MTUS1: variants seen among roughly 807,000 people sequenced by gnomAD.
MTUS1 encodes microtubule associated scaffold protein 1.
A neutral mutation model predicts 120.8 loss-of-function variants in MTUS1; 109 were observed. That is an observed-to-expected ratio of 0.90 (90% CI 0.77 to 1.06). MTUS1 has a LOEUF of 1.06. Among genes scored for constraint, MTUS1 ranks in the 50% least tolerant of loss-of-function variants. The pLI, the probability that MTUS1 is intolerant of heterozygous loss-of-function variation, is 0.00. For missense variants in MTUS1, 2,210 were observed against 1,486.3 expected (o/e 1.49, Z -8.01); for synonymous variants, 737 against 550.5 (o/e 1.34, Z -4.74).
At chr8:17,769,540 G>A (rs944866093) in intron 1 of MTUS1, among the ~76,000 whole-genome samples, 3 of 150,914 alleles carry the variant, frequency 2.0e-5, no homozygotes, top group Admixed American at 6.6e-5. Context: ...GTAGAGACGG[G>A]ATTTCACCGC....
At chr8:17,747,522 C>G (rs970258164) in intron 2 of MTUS1, among the ~76,000 whole-genome samples, 1 of 152,166 alleles carries the variant, frequency 6.6e-6, no homozygotes, top group Non-Finnish European at 1.5e-5. Context: ...CAAAACCCCA[C>G]CTTCAAGGCA....
At chr8:17,732,021 G>C (rs1029958260) in intron 3 of MTUS1, among the ~76,000 whole-genome samples, 1 of 152,238 alleles carries the variant, frequency 6.6e-6, no homozygotes, top group African/African-American at 2.4e-5. Context: ...TGCTGCATGG[G>C]TGTCCCCATG....
chr8:17,771,254 G>C (rs1286707729), intron 1 of MTUS1, among the ~76,000 whole-genome samples: 1 of 152,176 alleles, frequency 6.6e-6, no homozygotes, highest in African/African-American at 2.4e-5. Context: ...ATTAGCAGTG[G>C]TTCACCATCT....
At position 17,684,334 on chromosome 8, in the gene MTUS1, C is replaced by T. The variant is rs760069932; in HGVS notation, c.2832G>A (p.Leu944=). 6.2e-7 allele frequency: 1 copy of T among 1,613,296 alleles called. No homozygotes were observed. The highest frequency in any genetic ancestry group is 1.1e-5 in the South Asian group (1 of 91,072). Residue 944 remains leucine (L), a synonymous_variant, in exon 7 of 15, where the codon CTG becomes CTA. Coordinates refer to ENST00000693296, the MANE Select transcript of MTUS1 (RefSeq NM_001363059.2). ...CTAGGATGCACCTCCTTACCTCAGA[C>T]AGCAGGTGCTGAATCACAACTGTCA... ...EALTVVIQHL[L]SEREEALKQH...
chr8:17,720,510 G>C (rs766994927), intron 4 of MTUS1, among the ~76,000 whole-genome samples: 6 of 152,152 alleles, frequency 3.9e-5, no homozygotes, highest in Admixed American at 2.0e-4. Context: ...ATTTCCAGGA[G>C]AATGCAAATA....
At chr8:17,730,674 A>T (rs2046512237) in intron 3 of MTUS1, among the ~76,000 whole-genome samples, 1 of 152,232 alleles carries the variant, frequency 6.6e-6, no homozygotes, top group Non-Finnish European at 1.5e-5. Context: ...AAGTTGACAC[A>T]TGCTACAACA....
At chr8:17,726,097 C>T (rs11203904) in intron 3 of MTUS1, among the ~76,000 whole-genome samples, 2 of 151,996 alleles carry the variant, frequency 1.3e-5, no homozygotes, top group African/African-American at 4.8e-5. Context: ...TGAACGGCCT[C>T]CTTTCTATCC....
chr8:17,727,272 G>A (rs1198954463), intron 3 of MTUS1, among the ~76,000 whole-genome samples: 3 of 152,238 alleles, frequency 2.0e-5, no homozygotes, highest in Non-Finnish European at 2.9e-5. Flanking sequence ...GTTAATAGAT[G>A]AGAAGACTAC....
chr8:17,703,789 G>A (rs769328788), intron 6 of MTUS1, among the ~76,000 whole-genome samples: 3 of 152,116 alleles, frequency 2.0e-5, no homozygotes, highest in African/African-American at 4.8e-5. Flanking sequence ...TATTTATCAA[G>A]ACAATACGTG....
intron 8 of MTUS1, among the ~76,000 whole-genome samples, chr8:17,672,514 A>G (rs1390824827): frequency 6.6e-6 from 1 of 152,152 alleles, no homozygotes; most frequent in Admixed American, 6.5e-5. Context: ...TGCTATGTCA[A>G]TGTCAAAGTT....
At chr8:17,720,082 T>C (rs533122142) in intron 4 of MTUS1, among the ~76,000 whole-genome samples, 232 of 152,268 alleles carry the variant, frequency 1.5e-3, no homozygotes, top group African/African-American at 5.4e-3. Context: ...TGGTGGCTCA[T>C]GCCTGTAATC....
At chr8:17,774,980 A>G (rs1244737119) in intron 1 of MTUS1, among the ~76,000 whole-genome samples, 2 of 150,502 alleles carry the variant, frequency 1.3e-5, no homozygotes, top group African/African-American at 4.9e-5. Flanking sequence ...GTAAAAAAAA[A>G]AAAAAAAAAA....
chr8:17,653,085 C>T, intron 12 of MTUS1, 101 bp downstream of exon 12: 1 of 684,118 alleles, frequency 1.5e-6, no homozygotes, highest in Non-Finnish European at 2.5e-6. Flanking sequence ...GAGAAGGATT[C>T]CCAACCTGTG....
chr8:17,677,971 C>T (rs1336846884), intron 7 of MTUS1, among the ~76,000 whole-genome samples: 1 of 152,128 alleles, frequency 6.6e-6, no homozygotes, highest in Non-Finnish European at 1.5e-5. Context: ...AAGCATGGGG[C>T]CTACCTAGAA....
At chr8:17,707,642 T>A (rs1183679933) in intron 6 of MTUS1, among the ~76,000 whole-genome samples, 3 of 152,224 alleles carry the variant, frequency 2.0e-5, no homozygotes, top group Non-Finnish European at 4.4e-5. Flanking sequence ...ATTGACAAGC[T>A]GATCCTAAAA....
chr8:17,697,827 G>T, intron 6 of MTUS1: 1 of 619,784 alleles, frequency 1.6e-6, no homozygotes, highest in African/African-American at 2.0e-5. Flanking sequence ...AGTGCCTAAT[G>T]TTTCTTTCAT....
chr8:17,658,231 T>C (rs2130337591), intron 8 of MTUS1, among the ~76,000 whole-genome samples: 1 of 152,290 alleles, frequency 6.6e-6, no homozygotes, highest in East Asian at 1.9e-4. Context: ...ACACATGGTT[T>C]TACCATGTTG....
chr8:17,791,570 T>C lies in MTUS1; in HGVS notation c.-155+9491A>G, dbSNP rs140535983. Among the ~76,000 whole-genome samples, 596 of 152,286 alleles carry C rather than the reference T, an allele frequency of 3.9e-3. 6 individuals carry two copies. Among genetic ancestry groups the C allele is most frequent in the African/African-American group, 0.012 (511 of 41,548 alleles). On this transcript the variant is annotated intron_variant, in intron 1 of 14. Coordinates refer to ENST00000693296, the MANE Select transcript of MTUS1 (RefSeq NM_001363059.2). Reference sequence around the variant, plus strand: ...ACAGACTTTACCAAAGATAAAAGTATCTACATTGATTTTTTGAAAACACAG... The same window carrying C: ...ACAGACTTTACCAAAGATAAAAGTACCTACATTGATTTTTTGAAAACACAG...
chr8:17,674,494 C>A (rs1812663968), intron 8 of MTUS1: 1 of 985,002 alleles, frequency 1.0e-6, no homozygotes, highest in African/African-American at 1.8e-5. Flanking sequence ...TTCCATGAAC[C>A]CTAAGGGCTT....
Sources: allele counts gnomAD v4.1 joint callset (sites outside exome capture counted in the v4.1 genomes callset), GRCh38; gene constraint gnomAD v4.1.1; transcripts MANE v1.5; gene names NCBI Gene and HGNC (gene_info 2026-07-23, HGNC 2026-07-21).